ITGA3: variants seen among roughly 807,000 people sequenced by gnomAD.
ITGA3 encodes the protein integrin subunit alpha 3.
Under a neutral mutation model 131.1 loss-of-function variants are expected in ITGA3, and 70 were observed. That is an observed-to-expected ratio of 0.53 (90% CI 0.44 to 0.65). The LOEUF (loss-of-function observed/expected upper bound fraction) is 0.65. Ranked by LOEUF, ITGA3 falls within the 30% of genes least tolerant of loss-of-function variation. The pLI, the probability that ITGA3 is intolerant of heterozygous loss-of-function variation, is 0.00. For missense variants in ITGA3, 1,098 were observed against 1,388.6 expected, an observed-to-expected ratio of 0.79 and a Z score of 3.33; for synonymous variants, 537 against 571.6, an observed-to-expected ratio of 0.94 and a Z score of 0.86.
chr17:50,060,889 G>A (rs1172555346), intron 1 of ITGA3, among the ~76,000 whole-genome samples: 1 of 152,174 alleles, frequency 6.6e-6, no homozygotes, highest in Non-Finnish European at 1.5e-5. Context: ...TTGCTCATTT[G>A]TGTACTAATT....
In ITGA3 at chr17:50,078,267, C is replaced by T; in HGVS notation, c.2280C>T (p.Leu760=). The T allele has an allele frequency of 6.2e-7, 1 of 1,613,906 alleles. No homozygotes were observed. The highest frequency in any genetic ancestry group is 8.5e-7 in the Non-Finnish European group (1 of 1,179,856). ...TCACTCTGCTGGTGGACTATACACT[C>T]CAGACCTCGCTTAGCATGTGGGTAC... is the stretch of plus-strand genomic sequence containing the variant. ...MILTLLVDYT[L]QTSLSMVNHR... Residue 760 remains leucine, a synonymous_variant, in exon 18 of 26, where the codon CTC becomes CTT. Transcript: ENST00000320031.
At chr17:50,087,630 C>A in intron 23 of ITGA3, 114 bp from the exon 24 acceptor site, 1 of 1,224,376 alleles carries the variant, frequency 8.2e-7, no homozygotes, top group Non-Finnish European at 1.2e-6. Flanking sequence ...TCCCAGGCTG[C>A]CCCCTACTGG....
intron 14 of ITGA3, 107 bp downstream of exon 14, chr17:50,076,788 G>A: frequency 8.2e-7 from 1 of 1,220,412 alleles, no homozygotes. Flanking sequence ...CAGGGACAGG[G>A]CTTTAGCGGG....
chr17:50,056,520 C>T lies in ITGA3; in HGVS notation c.81C>T (p.Gly27=). ...CALALMVAAG[G]CVVSAFNLDT... Reference sequence around the variant, plus strand: ...TCGCCTTGATGGTGGCGGCCGGCGGCTGCGTCGTCTCCGCCTTCAACCTGG... The same window carrying T: ...TCGCCTTGATGGTGGCGGCCGGCGGTTGCGTCGTCTCCGCCTTCAACCTGG... The change falls in exon 1 of 26, where the codon GGC becomes GGT. Residue 27 remains glycine (G), a synonymous_variant. Coordinates refer to ENST00000320031, the MANE Select transcript of ITGA3 (RefSeq NM_002204.4). This position sits in a 1 kb window ranked among gnomAD's most constrained non-coding sequence, Gnocchi z 5.6. 1 of 1,551,512 alleles carries T rather than the reference C, an allele frequency of 6.4e-7. No homozygotes were observed. The highest frequency in any genetic ancestry group is 1.2e-5 in the South Asian group (1 of 84,172).
In ITGA3 at chr17:50,076,482, G is replaced by A. The variant is rs1908900805; in HGVS notation, c.1824+7G>A. The A allele has an allele frequency of 6.2e-7, 1 of 1,608,154 alleles. No individual in the cohort carries two copies. The highest frequency in any genetic ancestry group is 2.2e-5 in the East Asian group (1 of 44,884). On this transcript the variant is annotated splice_region_variant and intron_variant, in intron 13 of 25. Coordinates refer to ENST00000320031, the MANE Select transcript of ITGA3 (RefSeq NM_002204.4). ...TCTGGAGAACCACACTGAGGTGAGT[G>A]GGGCTGGCGCCTGGACTGGAAGACC...
At chr17:50,079,670 C>T (rs926299432) in intron 21 of ITGA3, 113 bp downstream of exon 21, 22 of 1,224,390 alleles carry the variant, frequency 1.8e-5, no homozygotes, top group African/African-American at 1.2e-4. Flanking sequence ...TGATGAGGCC[C>T]CTGCTCTTGG....
intron 1 of ITGA3, among the ~76,000 whole-genome samples, chr17:50,062,407 G>C (rs895718447): frequency 1.3e-5 from 2 of 152,198 alleles, no homozygotes; most frequent in Non-Finnish European, 2.9e-5. Context: ...CCAGAGAGCG[G>C]ATGTCCATGG....
intron 6 of ITGA3, 22 bp downstream of exon 6, chr17:50,071,540 C>G: frequency 1.3e-6 from 2 of 1,586,440 alleles, no homozygotes; most frequent in Non-Finnish European, 1.7e-6. Flanking sequence ...GGGACATCCT[C>G]TGGGGCCAGG....
At chr17:50,070,961 G>C in intron 5 of ITGA3, 31 bp downstream of exon 5, 3 of 1,372,644 alleles carry the variant, frequency 2.2e-6, no homozygotes, top group Non-Finnish European at 3.1e-6. Flanking sequence ...CCATCAAGTG[G>C]TAGAGGGGAA....
intron 4 of ITGA3, among the ~76,000 whole-genome samples, chr17:50,068,554 G>A (rs186005658): frequency 8.5e-5 from 13 of 152,222 alleles, no homozygotes; most frequent in Non-Finnish European, 1.3e-4. Flanking sequence ...AGGCTGGAGT[G>A]CAGTGGCACA....
intron 16 of ITGA3, 89 bp from the exon 17 acceptor site, chr17:50,077,957 C>T: frequency 8.9e-7 from 1 of 1,128,782 alleles, no homozygotes; most frequent in Non-Finnish European, 1.3e-6. Flanking sequence ...AGAAAGCCAA[C>T]TAGAATAGTG....
At position 50,077,173 on chromosome 17, in the gene ITGA3, G is replaced by A. The variant is rs1908956029; in HGVS notation, c.2070+52G>A. On this transcript the variant is annotated intron_variant, in intron 15 of 25. Coordinates refer to ENST00000320031, the MANE Select transcript of ITGA3 (RefSeq NM_002204.4). ...CCCAAGCAGGGCTCCCCGCGTCTTT[G>A]CATCCCCATATCCATGTCCTGTGCA... The A allele has an allele frequency of 2.7e-6, 4 of 1,492,490 alleles. No homozygotes were observed. In the South Asian group the frequency reaches 5.2e-5, roughly 19 times the overall value. The allele number at this position is 1,492,490 out of a possible 1,614,324, so 92.5% of individuals were successfully genotyped here. A position where few individuals can be genotyped will look rare whatever the true frequency, so the allele number is the denominator to read the frequency against.
chr17:50,073,502 G>C (rs941126567), intron 7 of ITGA3, among the ~76,000 whole-genome samples: 35 of 152,058 alleles, frequency 2.3e-4, no homozygotes, highest in African/African-American at 8.2e-4. Flanking sequence ...GAGGTGGGAG[G>C]ATCCCTTCAG....
chr17:50,064,842 T>G lies in ITGA3; in HGVS notation c.414+235T>G. ...GGCCTGAGTTCTCTGACTCATCCAC[T>G]TCCTCCGCATGCCTACACTGGGTGC... is the stretch of plus-strand genomic sequence containing the variant. On this transcript the variant is annotated intron_variant, in intron 3 of 25. Transcript: ENST00000320031. This position sits in a 1 kb window ranked among gnomAD's most constrained non-coding sequence, Gnocchi z 4.4. 6.6e-6 allele frequency: 3 copies of G among 451,546 alleles called. No homozygotes were observed. The highest frequency in any genetic ancestry group is 7.9e-6 in the Non-Finnish European group (2 of 252,680). 28.0% of individuals were successfully genotyped at this position (451,546 alleles called of 1,614,324 possible). A position where few individuals can be genotyped will look rare whatever the true frequency, so the allele number is the denominator to read the frequency against.
chr17:50,073,895 G>C lies in ITGA3; in HGVS notation c.1157-21G>C, dbSNP rs370182931. 6.9e-6 allele frequency: 11 copies of C among 1,603,542 alleles called. No individual in the cohort carries two copies. In the South Asian group the frequency reaches 8.8e-5, roughly 13 times the overall value. ...GGGCCCAGAGTACCTGGGTGACCCT[G>C]TCTTGCCTTTTCTTCTGCAGATATT... On this transcript the variant is annotated intron_variant, in intron 7 of 25. Coordinates refer to ENST00000320031, the MANE Select transcript of ITGA3 (RefSeq NM_002204.4).
intron 21 of ITGA3, 108 bp from the exon 22 acceptor site, chr17:50,080,154 T>G: frequency 1.6e-6 from 1 of 628,322 alleles, no homozygotes; most frequent in Non-Finnish European, 2.7e-6. Context: ...CCCCTTTGGG[T>G]CACCCAGGGG....
Position 50,076,593 on chromosome 17 carries a change from C to T in ITGA3, c.1834C>T (p.Gln612Ter). 6.2e-7 allele frequency: 1 copy of T among 1,613,340 alleles called. No homozygotes were observed. The highest frequency in any genetic ancestry group is 8.5e-7 in the Non-Finnish European group (1 of 1,179,940). Residue 612 changes from glutamine to a stop codon, truncating the protein, a stop_gained, in exon 14 of 26, where the codon CAG (glutamine) becomes TAG (stop). Transcript: ENST00000320031. LOFTEE classifies it high-confidence loss of function. ...ALENHTEVQF[Q>*]KECGPDNKCE... ...TCCGGCCACCCCCCAGGTCCAGTTCCAGAAGGAGTGCGGGCCTGACAACAA... is the reference window on the plus strand; with the variant it reads ...TCCGGCCACCCCCCAGGTCCAGTTCTAGAAGGAGTGCGGGCCTGACAACAA...
At chr17:50,060,813 T>C (rs1908042988) in intron 1 of ITGA3, among the ~76,000 whole-genome samples, 1 of 152,204 alleles carries the variant, frequency 6.6e-6, no homozygotes, top group Admixed American at 6.5e-5. Context: ...TCAGTACTGC[T>C]CTGGAAGGGG....
At chr17:50,088,044 G>C (rs557234253) in intron 24 of ITGA3, among the ~76,000 whole-genome samples, 175 bp downstream of exon 24, 1 of 152,156 alleles carries the variant, frequency 6.6e-6, no homozygotes, top group Admixed American at 6.5e-5. Context: ...CTGGGTTAGT[G>C]GGGGGAGCTG....
Sources: gnomAD v4.1 joint callset for allele counts (sites outside exome capture counted in the v4.1 genomes callset) on GRCh38, gnomAD v4.1.1 for gene constraint, Gnocchi (gnomAD v3.1) non-coding constraint, MANE v1.5 for transcripts, NCBI Gene and HGNC (gene_info 2026-07-23, HGNC 2026-07-21) for gene names.